The following PLXNA4 variants were observed in gnomAD, a reference collection of about 807,000 sequenced individuals.
PLXNA4 encodes plexin A4.
Under a neutral mutation model 191.8 loss-of-function variants are expected in PLXNA4, and 44 were observed. That is an observed-to-expected ratio of 0.23 (90% CI 0.18 to 0.29). The LOEUF (loss-of-function observed/expected upper bound fraction) is 0.29. PLXNA4 is among the 10% of genes least tolerant of loss of function. PLXNA4 has a pLI of 1.00. For missense variants in PLXNA4, 1,800 were observed against 2,488.8 expected (o/e 0.72, Z 5.89); for synonymous variants, 1,082 against 1,009.5 (o/e 1.07, Z -1.36).
intron 1 of PLXNA4, among the ~76,000 whole-genome samples, chr7:132,648,130 C>T (rs1803919951): frequency 1.3e-5 from 2 of 152,168 alleles, no homozygotes; most frequent in Non-Finnish European, 1.5e-5. Context: ...CTCACACATA[C>T]ACTCACGTAC....
At chr7:132,445,576 G>A (rs1795875788) in intron 3 of PLXNA4, among the ~76,000 whole-genome samples, 1 of 152,050 alleles carries the variant, frequency 6.6e-6, no homozygotes, top group Non-Finnish European at 1.5e-5. Flanking sequence ...CAGCTATGTA[G>A]CTTTGACATT....
At chr7:132,383,007 G>A (rs2116949366) in intron 3 of PLXNA4, among the ~76,000 whole-genome samples, 1 of 152,256 alleles carries the variant, frequency 6.6e-6, no homozygotes. Context: ...ATTTTCCTTT[G>A]TACTTCTTCT....
At chr7:132,195,091 T>C (rs1797213979) in intron 13 of PLXNA4, among the ~76,000 whole-genome samples, 1 of 152,220 alleles carries the variant, frequency 6.6e-6, no homozygotes, top group Non-Finnish European at 1.5e-5. Flanking sequence ...TATATTTGTA[T>C]TTCATATGCA....
At chr7:132,334,568 T>C (rs956181841) in intron 3 of PLXNA4, among the ~76,000 whole-genome samples, 1 of 152,042 alleles carries the variant, frequency 6.6e-6, no homozygotes, top group Non-Finnish European at 1.5e-5. Context: ...GCTGAGACAT[T>C]TTTCTTACTC....
intron 2 of PLXNA4, among the ~76,000 whole-genome samples, chr7:132,615,303 G>A (rs1585406620): frequency 6.6e-6 from 1 of 152,160 alleles, no homozygotes. Flanking sequence ...GGCAGAGGGA[G>A]CAGGGCCCTA....
At chr7:132,562,047 TCCTCTC>T (rs1801167723) in intron 1 of PLXNA4, among the ~76,000 whole-genome samples, 2 of 124,572 alleles carry the variant, frequency 1.6e-5, no homozygotes, top group African/African-American at 6.6e-5. Context: ...CTCTTCCTCC[TCCTCTC>T]CCTCCTCCTT....
chr7:132,535,526 G>C (rs958640918), intron 1 of PLXNA4, among the ~76,000 whole-genome samples: 7 of 152,096 alleles, frequency 4.6e-5, no homozygotes, highest in Non-Finnish European at 7.3e-5. Flanking sequence ...CAGAGTTGGG[G>C]CTCCAGAGGA....
chr7:132,641,206 T>C (rs1363324733), intron 2 of PLXNA4, among the ~76,000 whole-genome samples: 1 of 152,236 alleles, frequency 6.6e-6, no homozygotes, highest in Non-Finnish European at 1.5e-5. Context: ...TTTGTCCTTA[T>C]ATTAATCTGC....
intron 22 of PLXNA4, among the ~76,000 whole-genome samples, chr7:132,167,153 G>C (rs1405724436): frequency 6.6e-6 from 1 of 152,202 alleles, no homozygotes; most frequent in Admixed American, 6.5e-5. Context: ...AAAGGTATTG[G>C]AATAATGGCC....
chr7:132,527,559 A>G (rs1405784680), intron 1 of PLXNA4, among the ~76,000 whole-genome samples: 1 of 151,756 alleles, frequency 6.6e-6, no homozygotes, highest in African/African-American at 2.4e-5. Flanking sequence ...AAAAAAAAAA[A>G]AAAGAATTGG....
intron 10 of PLXNA4, among the ~76,000 whole-genome samples, chr7:132,203,977 C>T (rs149779664): frequency 2.6e-3 from 398 of 152,198 alleles, no homozygotes; most frequent in African/African-American, 9.3e-3. Flanking sequence ...AGGAGCTACA[C>T]CCTAGGGGGA....
In PLXNA4 at chr7:132,202,661, G is replaced by T; in HGVS notation, c.2571C>A (p.Asn857Lys). 6.5e-7 allele frequency: 1 copy of T among 1,536,872 alleles called. No homozygotes were observed. The highest frequency in any genetic ancestry group is 8.8e-7 in the Non-Finnish European group (1 of 1,138,874). ...CCCGGCTTACCTCTGTGATGCGGGG[G>T]TTTGTGCACTTGCTTTTGGCACCAG... ...ELSGAKSKCTNPRITEIIPVT... is the reference protein window; with the variant it reads ...ELSGAKSKCTKPRITEIIPVT... Residue 857 changes from asparagine (N) to lysine (K), a missense_variant, in exon 12 of 32, where the codon AAC (asparagine) becomes AAA (lysine). Coordinates refer to ENST00000321063, the MANE Select transcript of PLXNA4 (RefSeq NM_020911.2).
chr7:132,145,915 C>CAAAAAAAAAAA (rs397778925), intron 28 of PLXNA4, among the ~76,000 whole-genome samples: 4 of 92,316 alleles, frequency 4.3e-5, no homozygotes, highest in African/African-American at 1.3e-4. Flanking sequence ...ACTAAAAATA[C>CAAAAAAAAAAA]AAAAAAAAAA....
At chr7:132,389,997 AAGAC>A (rs1805331246) in intron 3 of PLXNA4, among the ~76,000 whole-genome samples, 1 of 152,188 alleles carries the variant, frequency 6.6e-6, no homozygotes, top group Admixed American at 6.5e-5. Context: ...ACCATTGTGA[AAGAC>A]AGTGTGGAGA....
intron 20 of PLXNA4, among the ~76,000 whole-genome samples, chr7:132,176,313 T>C (rs2116704489): frequency 6.6e-6 from 1 of 152,320 alleles, no homozygotes; most frequent in East Asian, 1.9e-4. Context: ...ATTTCAACAG[T>C]AGAGAACCCA....
intron 3 of PLXNA4, among the ~76,000 whole-genome samples, chr7:132,333,343 G>A (rs1802674048): frequency 6.6e-6 from 1 of 152,228 alleles, no homozygotes; most frequent in Non-Finnish European, 1.5e-5. Context: ...CCTCCATGCT[G>A]CACCTACTCC....
chr7:132,261,956 C>T (rs922707917), intron 4 of PLXNA4, among the ~76,000 whole-genome samples: 3 of 152,174 alleles, frequency 2.0e-5, no homozygotes, highest in Non-Finnish European at 4.4e-5. Context: ...TCAGCTCTGC[C>T]TTACTTCACC....
intron 2 of PLXNA4, among the ~76,000 whole-genome samples, chr7:132,626,900 C>T (rs1387336638): frequency 6.6e-6 from 1 of 152,146 alleles, no homozygotes; most frequent in African/African-American, 2.4e-5. Flanking sequence ...CACAGAACAA[C>T]ATGGTACTCT....
intron 1 of PLXNA4, among the ~76,000 whole-genome samples, chr7:132,648,355 A>G (rs528429935): frequency 3.9e-5 from 6 of 152,336 alleles, no homozygotes; most frequent in Admixed American, 3.3e-4. Context: ...TCAGTGACAT[A>G]AAATATAGAA....
Sources: allele counts gnomAD v4.1 joint callset (sites outside exome capture counted in the v4.1 genomes callset), GRCh38; gene constraint gnomAD v4.1.1; transcripts MANE v1.5; gene names NCBI Gene and HGNC (gene_info 2026-07-23, HGNC 2026-07-21).